The following ROGDI variants were observed in gnomAD, a reference collection of about 807,000 sequenced individuals.
ROGDI encodes the protein rogdi atypical leucine zipper.
In ROGDI, 46 loss-of-function variants were observed where a neutral mutation model predicts 43.1. The observed-to-expected ratio is 1.07, with a 90% CI of 0.84 to 1.37. The LOEUF (loss-of-function observed/expected upper bound fraction) is 1.37, where lower values mean the gene tolerates loss of function less well. Ranked by LOEUF, ROGDI falls within the 40% of genes most tolerant of loss-of-function variation. The probability of loss-of-function intolerance (pLI) is 0.00; values close to 1 mark genes in which losing one functional copy is unlikely to be tolerated. For synonymous variants in ROGDI, 243 were observed against 162.0 expected (o/e 1.50, Z -3.80); for missense variants, 518 against 383.9 (o/e 1.35, Z -2.92).
chr16:4,797,681 T>C (rs748172471), intron 10 of ROGDI, 33 bp downstream of exon 10: 3 of 1,097,924 alleles, frequency 2.7e-6, no homozygotes, highest in Non-Finnish European at 3.5e-6. Flanking sequence ...TTAGAAGTCC[T>C]TCCCCTAATG....
chr16:4,801,607 G>T (rs1161646041), intron 2 of ROGDI, 22 bp from the exon 3 acceptor site: 4 of 1,576,176 alleles, frequency 2.5e-6, no homozygotes, highest in Admixed American at 1.8e-5. Flanking sequence ...AGGGAAGGAG[G>T]GGAGCTGGTA....
intron 2 of ROGDI, 82 bp from the exon 3 acceptor site, chr16:4,801,667 C>A (rs1421589567): frequency 7.6e-7 from 1 of 1,323,172 alleles, no homozygotes; most frequent in Non-Finnish European, 1.1e-6. Flanking sequence ...CCCCCTCCCT[C>A]CAAGTCAGCG....
At chr16:4,801,637 C>T (rs1358234841) in intron 2 of ROGDI, 52 bp from the exon 3 acceptor site, 1 of 1,496,366 alleles carries the variant, frequency 6.7e-7, no homozygotes, top group East Asian at 2.4e-5. Flanking sequence ...CAGGCCCGGC[C>T]CAGTGCTCCT....
rs1340455195 is a variant in ROGDI, at chr16:4,801,421, T to A, written c.200+82A>T. The A allele has an allele frequency of 1.2e-5, 18 of 1,556,096 alleles. No homozygotes were observed. In the East Asian group the frequency reaches 3.0e-4, roughly 26 times the overall value. ...CCTCCTGTCCCATCGCACAACCAGC[T>A]GGTCTGCAGGACAGGGCTATGGCCA... is the stretch of plus-strand genomic sequence containing the variant. On this transcript the variant is annotated intron_variant, in intron 3 of 10. Transcript: ENST00000322048.
chr16:4,801,810 C>T, intron 2 of ROGDI: 3 of 598,108 alleles, frequency 5.0e-6, no homozygotes, highest in Non-Finnish European at 9.0e-6. Context: ...CTCCTGTGTG[C>T]CCGCCTCGGG....
At chr16:4,798,242 C>T (rs537529539) in intron 7 of ROGDI, 58 bp from the exon 8 acceptor site, 24 of 1,411,402 alleles carry the variant, frequency 1.7e-5, no homozygotes, top group Admixed American at 1.3e-4. Context: ...CTGGATGGAG[C>T]GGGGCTCTGC....
At chr16:4,800,432 G>T (rs1442569714) in intron 5 of ROGDI, 66 bp downstream of exon 5, 13 of 1,308,962 alleles carry the variant, frequency 9.9e-6, no homozygotes, top group Non-Finnish European at 1.3e-5. Flanking sequence ...CTCCAGGGAG[G>T]CCCCGCGGCA....
intron 2 of ROGDI, 194 bp from the exon 3 acceptor site, chr16:4,801,779 T>C (rs2082725971): frequency 1.6e-6 from 1 of 608,436 alleles, no homozygotes; most frequent in Non-Finnish European, 2.9e-6. Flanking sequence ...GATCTCTGCT[T>C]ATACCACATT....
In ROGDI at chr16:4,797,766, G is replaced by A. The variant is rs1177074244; in HGVS notation, c.770C>T (p.Ala257Val). The change falls in exon 10 of 11, where the codon GCC (alanine) becomes GTC (valine). Residue 257 changes from alanine (A) to valine (V), a missense_variant. Transcript: ENST00000322048. ...VECVIPWLND[A>V]LVYFTVSLQL... ...CAGGGAGACGGTGAAGTAGACCAGG[G>A]CGTCGTTGAGCCAGGGGATCACGCA... 4 of 1,613,830 alleles carry A rather than the reference G, an allele frequency of 2.5e-6. No individual in the cohort carries two copies. Among genetic ancestry groups the A allele is most frequent in the Non-Finnish European group, 2.5e-6 (3 of 1,179,970 alleles).
At chr16:4,802,221 T>C (rs1039741654) in intron 2 of ROGDI, 161 bp downstream of exon 2, 16 of 699,220 alleles carry the variant, frequency 2.3e-5, no homozygotes, top group Admixed American at 4.3e-5. Context: ...GGTACTTATA[T>C]AATGAGGTCG....
Position 4,801,548 on chromosome 16 carries a change from G to C in ROGDI, c.155C>G (p.Thr52Ser). ...GTTCTCTTGCTTGGCGGGCCCCTCA[G>C]TGCCGGAGCCCGGCAGAGTGAAGCG... Reference protein sequence around the residue: ...SLRFTLPGSGTEGPAKQENFI... With the variant: ...SLRFTLPGSGSEGPAKQENFI... The change falls in exon 3 of 11, where the codon ACT becomes AGT. Residue 52 changes from threonine to serine, a missense_variant. Physicochemically the swap from Thr to Ser is moderately conservative, Grantham distance 58. Transcript: ENST00000322048. 6.2e-7 allele frequency: 1 copy of C among 1,607,182 alleles called. No individual in the cohort carries two copies. Among genetic ancestry groups the C allele is most frequent in the Non-Finnish European group, 8.5e-7 (1 of 1,177,100 alleles).
rs548630385 is a variant in ROGDI at position 4,802,142 on chromosome 16, G to T, written c.117+240C>A. On this transcript the variant is annotated intron_variant, in intron 2 of 10. Transcript: ENST00000322048. ...CGCTGCTCCCAAGGCGGCCTTCCCC[G>T]ACCCGAGGCCGGGCGGGACTCAGGC... is the stretch of plus-strand genomic sequence containing the variant. 1.2e-3 allele frequency: 785 copies of T among 655,702 alleles called. 3 individuals are homozygous for T. Among genetic ancestry groups the T allele is most frequent in the Admixed American group, 2.8e-3 (134 of 48,046 alleles). The allele number at this position is 655,702 out of a possible 1,614,324, so 40.6% of individuals were successfully genotyped here.
chr16:4,797,425 C>G lies in ROGDI; in HGVS notation c.*35G>C. 6.2e-7 allele frequency: 1 copy of G among 1,600,828 alleles called. No individual in the cohort carries two copies. The highest frequency in any genetic ancestry group is 1.3e-5 in the African/African-American group (1 of 74,788). On this transcript the variant is annotated 3_prime_UTR_variant, in exon 11 of 11. Transcript: ENST00000322048. ...TGGTGGGTATGAGTAGGGGACGGGG[C>G]CGCCTTCCTGGAGACAAGCTCCTGG...
chr16:4,797,256 C>A lies in ROGDI; in HGVS notation c.*204G>T. 1 of 567,866 alleles carries A rather than the reference C, an allele frequency of 1.8e-6. No homozygotes were observed. The highest frequency in any genetic ancestry group is 3.1e-6 in the Non-Finnish European group (1 of 320,054). 35.2% of individuals were successfully genotyped at this position (567,866 alleles called of 1,614,324 possible). ...GACACCCTTGGCCCCGCCTCCCTGACCTCCCCACTACCCCACCAAACCAGC... is the reference window on the plus strand; with the variant it reads ...GACACCCTTGGCCCCGCCTCCCTGAACTCCCCACTACCCCACCAAACCAGC... On this transcript the variant is annotated 3_prime_UTR_variant, in exon 11 of 11. Transcript: ENST00000322048.
intron 6 of ROGDI, 36 bp from the exon 7 acceptor site, chr16:4,798,703 C>T (rs377657648): frequency 5.7e-5 from 85 of 1,489,642 alleles, no homozygotes; most frequent in Non-Finnish European, 6.8e-5. Flanking sequence ...TGCGTCCTCC[C>T]GTGTCCCCAT....
intron 2 of ROGDI, chr16:4,801,861 G>C (rs75558393): frequency 8.6e-6 from 5 of 581,846 alleles, no homozygotes; most frequent in East Asian, 2.9e-5. Context: ...GCTTGGTTGA[G>C]GGGGAAAGGG....
intron 6 of ROGDI, among the ~76,000 whole-genome samples, chr16:4,799,105 C>T (rs1303847748): frequency 6.6e-6 from 1 of 152,078 alleles, no homozygotes; most frequent in Non-Finnish European, 1.5e-5. Context: ...CACCTGGAGC[C>T]CATTCCTTCC....
At chr16:4,801,790 C>A (rs186437817) in intron 2 of ROGDI, 7 of 603,536 alleles carry the variant, frequency 1.2e-5, no homozygotes, top group African/African-American at 1.8e-5. Flanking sequence ...ATACCACATT[C>A]CCTGAACACC....
intron 2 of ROGDI, 110 bp downstream of exon 2, chr16:4,802,272 G>A (rs564106309): frequency 4.9e-5 from 50 of 1,022,368 alleles, no homozygotes; most frequent in South Asian, 3.9e-4. Context: ...GAAAGCCGCG[G>A]CAGCCGCACA....
Sources: allele counts gnomAD v4.1 joint callset (sites outside exome capture counted in the v4.1 genomes callset), GRCh38; gene constraint gnomAD v4.1.1; transcripts MANE v1.5; gene names NCBI Gene and HGNC (gene_info 2026-07-23, HGNC 2026-07-21).